The following TUSC3 variants were observed in gnomAD, a reference collection of about 807,000 sequenced individuals.
TUSC3 encodes dolichyl-diphosphooligosaccharide--protein glycosyltransferase subunit TUSC3.
TUSC3 carries 45 observed loss-of-function variants against 44.8 expected under a neutral mutation model. The observed-to-expected ratio is 1.00, with a 90% confidence interval of 0.79 to 1.29. The LOEUF (loss-of-function observed/expected upper bound fraction) is 1.29. TUSC3 is among the 50% of genes most tolerant of loss of function. The probability of loss-of-function intolerance (pLI) is 0.00; values close to 1 mark genes in which losing one functional copy is unlikely to be tolerated. For missense variants in TUSC3, 519 were observed against 437.9 expected, an observed-to-expected ratio of 1.19 and a Z score of -1.65; for synonymous variants, 212 against 152.9, an observed-to-expected ratio of 1.39 and a Z score of -2.85.
the TUSC3 span, among the ~76,000 whole-genome samples, chr8:15,833,253 T>C: frequency 6.6e-6 from 1 of 152,296 alleles, no homozygotes; most frequent in East Asian, 1.9e-4. Context: ...ATTTATACGC[T>C]GTTGATGGGA....
chr8:15,797,299 A>G, the TUSC3 span, among the ~76,000 whole-genome samples: 9 of 152,206 alleles, frequency 5.9e-5, no homozygotes, highest in Admixed American at 3.9e-4. Flanking sequence ...CAAGAGAGGT[A>G]CATTCTGTCT....
intron 10 of TUSC3, among the ~76,000 whole-genome samples, chr8:15,760,993 T>A (rs542301516): frequency 2.4e-4 from 36 of 152,172 alleles, no homozygotes; most frequent in Non-Finnish European, 4.7e-4. Flanking sequence ...AGGTCTTTCC[T>A]TTAGCTAAAA....
At chr8:15,660,401 A>G (rs1374264120) in intron 4 of TUSC3, among the ~76,000 whole-genome samples, 1 of 152,046 alleles carries the variant, frequency 6.6e-6, no homozygotes, top group African/African-American at 2.4e-5. Context: ...AAGTACAAAT[A>G]TGAGTATAGA....
At chr8:15,604,718 A>G (rs1007382077) in intron 1 of TUSC3, among the ~76,000 whole-genome samples, 2 of 151,774 alleles carry the variant, frequency 1.3e-5, no homozygotes, top group Non-Finnish European at 2.9e-5. Flanking sequence ...TTGAACAGTC[A>G]TTGATATTTA....
intron 2 of TUSC3, among the ~76,000 whole-genome samples, chr8:15,623,787 T>C (rs1805362078): frequency 1.3e-5 from 2 of 152,158 alleles, no homozygotes; most frequent in South Asian, 4.1e-4. Context: ...GAAATTTTTA[T>C]TTTGAAATAA....
At chr8:15,426,947 T>C (rs1799810504) in intron 1 of TUSC3, among the ~76,000 whole-genome samples, 1 of 152,216 alleles carries the variant, frequency 6.6e-6, no homozygotes, top group African/African-American at 2.4e-5. Flanking sequence ...AGCTTTCATT[T>C]GCATTTCCCT....
the TUSC3 span, among the ~76,000 whole-genome samples, chr8:15,775,201 G>T: frequency 6.6e-6 from 1 of 152,112 alleles, no homozygotes. Context: ...AAAGATGCCA[G>T]ATACGAAAAG....
the TUSC3 span, among the ~76,000 whole-genome samples, chr8:15,805,914 A>C: frequency 2.0e-5 from 3 of 152,136 alleles, no homozygotes; most frequent in African/African-American, 7.2e-5. Flanking sequence ...CTAGAGGATC[A>C]AGGTATGTTT....
intron 1 of TUSC3, among the ~76,000 whole-genome samples, chr8:15,551,610 C>G (rs983486050): frequency 2.0e-5 from 3 of 151,652 alleles, no homozygotes; most frequent in Non-Finnish European, 4.4e-5. Context: ...AATCAGTAAG[C>G]TACTTTTGTT....
At chr8:15,775,612 G>C in the TUSC3 span, among the ~76,000 whole-genome samples, 5 of 139,960 alleles carry the variant, frequency 3.6e-5, no homozygotes, top group African/African-American at 1.3e-4. Flanking sequence ...TTACATGTAT[G>C]TACATATATA....
chr8:15,790,239 GC>G, the TUSC3 span, among the ~76,000 whole-genome samples: 103 of 135,990 alleles, frequency 7.6e-4, no homozygotes, highest in East Asian at 0.015. Flanking sequence ...AGGCTGGAGT[GC>G]AGTGGCGTGA....
At chr8:15,479,429 A>C (rs1800628632) in intron 1 of TUSC3, among the ~76,000 whole-genome samples, 1 of 152,158 alleles carries the variant, frequency 6.6e-6, no homozygotes, top group Non-Finnish European at 1.5e-5. Context: ...TTTACATTTC[A>C]GCTTTTAATC....
intron 1 of TUSC3, among the ~76,000 whole-genome samples, chr8:15,462,101 G>A (rs1800354148): frequency 2.0e-5 from 3 of 152,034 alleles, no homozygotes; most frequent in South Asian, 4.2e-4. Context: ...GCAGCCAGGA[G>A]AGAAGCATTT....
chr8:15,825,082 T>G, the TUSC3 span, among the ~76,000 whole-genome samples: 1 of 152,286 alleles, frequency 6.6e-6, no homozygotes, highest in East Asian at 1.9e-4. Flanking sequence ...ACCATGCTAT[T>G]ATGTCCTTTC....
chr8:15,846,071 A>G, the TUSC3 span, among the ~76,000 whole-genome samples: 1 of 152,140 alleles, frequency 6.6e-6, no homozygotes, highest in African/African-American at 2.4e-5. Context: ...TCACAAGAAT[A>G]GCACAGGAAA....
chr8:15,603,843 A>G (rs1267386007), intron 1 of TUSC3, among the ~76,000 whole-genome samples: 1 of 151,506 alleles, frequency 6.6e-6, no homozygotes, highest in Non-Finnish European at 1.5e-5. Flanking sequence ...ACTTATGTAA[A>G]TGAAGATGTT....
intron 3 of TUSC3, 127 bp from the exon 4 acceptor site, chr8:15,659,380 C>T: frequency 8.4e-7 from 1 of 1,187,536 alleles, no homozygotes. Flanking sequence ...AGAAATTTAC[C>T]TCTGGAAAAC....
chr8:15,504,021 A>AG (rs1057163349), intron 2 of TUSC3, among the ~76,000 whole-genome samples: 34 of 150,872 alleles, frequency 2.3e-4, no homozygotes, highest in Non-Finnish European at 1.5e-5. Flanking sequence ...CTCAAAAAAA[A>AG]AAAAAAAAAA....
intron 1 of TUSC3, among the ~76,000 whole-genome samples, chr8:15,464,540 TTAAAA>T (rs1446509177): frequency 6.6e-6 from 1 of 152,214 alleles, no homozygotes; most frequent in African/African-American, 2.4e-5. Flanking sequence ...AATATATGTG[TTAAAA>T]TAAAGTTATT....
Sources: gnomAD v4.1 joint callset for allele counts (sites outside exome capture counted in the v4.1 genomes callset) on GRCh38, gnomAD v4.1.1 for gene constraint, MANE v1.5 for transcripts, NCBI Gene and HGNC (gene_info 2026-07-23, HGNC 2026-07-21) for gene names.